The following DIP2A variants were observed in gnomAD, a reference collection of about 807,000 sequenced individuals.
The protein encoded by DIP2A is DIP2 acetate--CoA ligase A, also known as disco-interacting protein 2 homolog A.
A neutral mutation model predicts 177.4 loss-of-function variants in DIP2A; 85 were observed. The ratio of observed to expected loss-of-function variants is 0.48; its 90% CI spans 0.40 to 0.57. The LOEUF (loss-of-function observed/expected upper bound fraction) is 0.57, where lower values mean the gene tolerates loss of function less well. Among genes scored for constraint, DIP2A ranks in the 20% least tolerant of loss-of-function variants. DIP2A has a pLI of 0.00. For missense variants in DIP2A, 1,791 were observed against 2,100.2 expected, an observed-to-expected ratio of 0.85 and a Z score of 2.88; for synonymous variants, 886 against 881.8, an observed-to-expected ratio of 1.00 and a Z score of -0.08.
intron 25 of DIP2A, among the ~76,000 whole-genome samples, chr21:46,552,394 T>C (rs1368502871): frequency 1.3e-5 from 2 of 152,204 alleles, no homozygotes; most frequent in African/African-American, 4.8e-5. Flanking sequence ...GTTCCTGTTG[T>C]GTGCATTCCA....
chr21:46,498,810 G>T lies in DIP2A; in HGVS notation c.632G>T (p.Gly211Val), dbSNP rs762407860. The change falls in exon 5 of 38, where the codon GGC becomes GTC. Residue 211 changes from glycine (G) to valine (V), a missense_variant. Physicochemically the swap from Gly to Val is moderately radical, Grantham distance 109 (BLOSUM62 -3). Coordinates refer to ENST00000417564, the MANE Select transcript of DIP2A (RefSeq NM_015151.4). This position sits in a 1 kb window ranked among gnomAD's most constrained non-coding sequence, Gnocchi z 4.3. Reference sequence around the variant, plus strand: ...GCCGCCGCTACCACTGCACTCGCAGGCCTCGAGGCCCACACCCACATAGGT... The same window carrying T: ...GCCGCCGCTACCACTGCACTCGCAGTCCTCGAGGCCCACACCCACATAGGT... The part of the protein sequence containing the change: ...PGAAATTALA[G>V]LEAHTHIDLH... 28 of 1,613,426 alleles carry T rather than the reference G, an allele frequency of 1.7e-5. No homozygotes were observed. Among genetic ancestry groups the T allele is most frequent in the African/African-American group, 2.7e-5 (2 of 74,926 alleles).
Position 46,550,721 on chromosome 21 carries a change from C to T in DIP2A, c.2816C>T (p.Pro939Leu). ...MCPHTCVTNL[P>L]KPRQKQPEVG... is the part of the protein sequence containing the mutation. ...CCTCACACCTGTGTTACCAACCTCC[C>T]CAAACCTCGTCAGAAACAACCAGGT... Residue 939 changes from proline to leucine, a missense_variant, in exon 23 of 38, where the codon CCC becomes CTC. Transcript: ENST00000417564. 1 of 1,614,048 alleles carries T rather than the reference C, an allele frequency of 6.2e-7. No homozygotes were observed. The highest frequency in any genetic ancestry group is 8.5e-7 in the Non-Finnish European group (1 of 1,179,900).
intron 8 of DIP2A, among the ~76,000 whole-genome samples, chr21:46,525,381 G>A (rs1033787752): frequency 4.6e-5 from 7 of 152,142 alleles, no homozygotes; most frequent in South Asian, 2.1e-4. Flanking sequence ...CTACTGTCCC[G>A]TTCTTGTCTA....
intron 1 of DIP2A, among the ~76,000 whole-genome samples, chr21:46,464,164 C>G (rs543168870): frequency 6.6e-6 from 1 of 151,468 alleles, no homozygotes; most frequent in East Asian, 2.0e-4. Context: ...GAGGCTGAGG[C>G]GGGTGGATCA....
chr21:46,482,335 T>G (rs963470166), intron 1 of DIP2A, among the ~76,000 whole-genome samples: 2 of 152,210 alleles, frequency 1.3e-5, no homozygotes, highest in Non-Finnish European at 2.9e-5. Flanking sequence ...ATGATAAAGC[T>G]AAAAATTCTT....
rs1568989389 is a variant in DIP2A, at chr21:46,504,413, C to T, written c.708C>T (p.Tyr236=). 1 of 1,613,772 alleles carries T rather than the reference C, an allele frequency of 6.2e-7. No homozygotes were observed. Among genetic ancestry groups the T allele is most frequent in the Non-Finnish European group, 8.5e-7 (1 of 1,179,864 alleles). The change falls in exon 6 of 38, where the codon TAC becomes TAT. Residue 236 remains tyrosine (Y), a synonymous_variant. Coordinates refer to ENST00000417564, the MANE Select transcript of DIP2A (RefSeq NM_015151.4). Reference sequence around the variant, plus strand: ...CCACGGGCCTCGTGGAGCATTCGTACTTTGAGCGTCCACAGGTGGCTTCTG... The same window carrying T: ...CCACGGGCCTCGTGGAGCATTCGTATTTTGAGCGTCCACAGGTGGCTTCTG... ...DVTTGLVEHS[Y]FERPQVASVR...
the DIP2A span, among the ~76,000 whole-genome samples, chr21:46,577,314 G>T: frequency 6.6e-6 from 1 of 152,154 alleles, no homozygotes; most frequent in Non-Finnish European, 1.5e-5. Context: ...TGTATAAGGT[G>T]TAAGGAAGGG....
intron 21 of DIP2A, among the ~76,000 whole-genome samples, chr21:46,547,655 C>CT: frequency 9.8e-6 from 1 of 102,416 alleles, no homozygotes; most frequent in African/African-American, 3.7e-5. Flanking sequence ...CAAGGGGGTG[C>CT]CTTTTTTTTT....
chr21:46,550,502 C>T, intron 22 of DIP2A, 41 bp from the exon 23 acceptor site: 1 of 1,580,850 alleles, frequency 6.3e-7, no homozygotes, highest in Non-Finnish European at 8.6e-7. Context: ...TCCCCAGCCT[C>T]AAGTTGGGGG....
chr21:46,547,719 G>A (rs1198660893), intron 21 of DIP2A, among the ~76,000 whole-genome samples: 1 of 142,352 alleles, frequency 7.0e-6, no homozygotes, highest in East Asian at 2.1e-4. Context: ...ATCCAGGCTG[G>A]AGTGCAGTAG....
chr21:46,508,218 T>C (rs1415660172), intron 6 of DIP2A, among the ~76,000 whole-genome samples: 1 of 151,394 alleles, frequency 6.6e-6, no homozygotes, highest in Non-Finnish European at 1.5e-5. Context: ...TTTTTTAAAT[T>C]TTTTGTAGAG....
At chr21:46,536,836 G>A (rs1043208124) in intron 13 of DIP2A, among the ~76,000 whole-genome samples, 5 of 151,850 alleles carry the variant, frequency 3.3e-5, no homozygotes, top group Admixed American at 6.6e-5. Context: ...CCTGGGAGGC[G>A]GAGGTTGCAG....
chr21:46,476,279 T>C (rs769376283), intron 1 of DIP2A, among the ~76,000 whole-genome samples: 1 of 152,134 alleles, frequency 6.6e-6, no homozygotes, highest in African/African-American at 2.4e-5. Flanking sequence ...TGTTAATACA[T>C]GTAGCTCTGG....
chr21:46,577,730 G>A, the DIP2A span, among the ~76,000 whole-genome samples: 1 of 152,054 alleles, frequency 6.6e-6, no homozygotes, highest in African/African-American at 2.4e-5. Flanking sequence ...GGGGAGTATG[G>A]CCATTTTCAC....
At position 46,533,511 on chromosome 21, in the gene DIP2A, C is replaced by G; in HGVS notation, c.1306-13C>G. ...GAGCACCCCACCCCACACGGTCACTCTGCTTTCTGCAGGATGCAGGCAGCC... is the reference window on the plus strand; with the variant it reads ...GAGCACCCCACCCCACACGGTCACTGTGCTTTCTGCAGGATGCAGGCAGCC... On this transcript the variant is annotated splice_polypyrimidine_tract_variant and intron_variant, in intron 10 of 37. Coordinates refer to ENST00000417564, the MANE Select transcript of DIP2A (RefSeq NM_015151.4). 4.3e-6 allele frequency: 7 copies of G among 1,611,806 alleles called. No homozygotes were observed. Among genetic ancestry groups the G allele is most frequent in the Non-Finnish European group, 5.9e-6 (7 of 1,178,958 alleles).
At chr21:46,549,143 T>TACAC (rs1039894735) in intron 21 of DIP2A, among the ~76,000 whole-genome samples, 1 of 151,986 alleles carries the variant, frequency 6.6e-6, no homozygotes, top group Non-Finnish European at 1.5e-5. Flanking sequence ...TGTGTGTGTG[T>TACAC]ACACACACAC....
intron 7 of DIP2A, among the ~76,000 whole-genome samples, chr21:46,509,990 C>A (rs887924903): frequency 6.6e-6 from 1 of 152,134 alleles, no homozygotes; most frequent in Non-Finnish European, 1.5e-5. Flanking sequence ...ATTATTTCCC[C>A]GTTGTAATCA....
chr21:46,541,605 C>A, intron 17 of DIP2A, 151 bp from the exon 18 acceptor site: 2 of 851,500 alleles, frequency 2.3e-6, no homozygotes, highest in Non-Finnish European at 3.7e-6. Context: ...AGTTTGGAGA[C>A]ATTGCAGCAT....
Position 46,557,705 on chromosome 21 carries a change from G to A in DIP2A, c.3750G>A (p.Val1250=). The part of the protein sequence containing the change: ...KARVTFCSYS[V]MEMCTKGLGA... ...GCGTCACCTTCTGCTCCTACTCTGT[G>A]ATGGAGATGTGCACCAAGGGCCTAG... The change falls in exon 31 of 38, where the codon GTG becomes GTA. Residue 1250 remains valine (V), a synonymous_variant. Transcript: ENST00000417564. This position sits in a 1 kb window ranked among gnomAD's most constrained non-coding sequence, Gnocchi z 6.0. The A allele has an allele frequency of 6.2e-7, 1 of 1,613,590 alleles. No homozygotes were observed.
Sources: gnomAD v4.1 joint callset for allele counts (sites outside exome capture counted in the v4.1 genomes callset) on GRCh38, gnomAD v4.1.1 for gene constraint, Gnocchi (gnomAD v3.1) non-coding constraint, MANE v1.5 for transcripts, NCBI Gene and HGNC (gene_info 2026-07-23, HGNC 2026-07-21) for gene names.